Variants in NTF4 observed in about 807,000 individuals in gnomAD.
NTF4 encodes neurotrophin 4.
Under a neutral mutation model 4.4 loss-of-function variants are expected in NTF4, and 2 were observed. The ratio of observed to expected loss-of-function variants is 0.46; its 90% CI spans 0.19 to 1.44. The LOEUF (loss-of-function observed/expected upper bound fraction) is 1.44, where lower values mean the gene tolerates loss of function less well. Among genes scored for constraint, NTF4 ranks in the 40% most tolerant of loss-of-function variants. The probability of loss-of-function intolerance (pLI) is 0.26; values close to 1 mark genes in which losing one functional copy is unlikely to be tolerated. For missense variants in NTF4, 260 were observed against 293.0 expected, an observed-to-expected ratio of 0.89 and a Z score of 0.82; for synonymous variants, 127 against 122.0, an observed-to-expected ratio of 1.04 and a Z score of -0.27.
In NTF4 at chr19:49,061,657, CG is replaced by C. The variant is rs2040144175; in HGVS notation, c.340del (p.Arg114ValfsTer67). ...GCCCAACACCTCCACCTCGCGCCCA[CG>C]CAAGTCCACAGCGGTCCGGCGGTCT... On this transcript the variant is annotated frameshift_variant, in exon 1 of 1. Coordinates refer to ENST00000593537, the Ensembl canonical transcript of NTF4. LOFTEE classifies it low-confidence loss of function (END_TRUNC). This position sits in a 1 kb window ranked among gnomAD's most constrained non-coding sequence, Gnocchi z 4.9. The C allele has an allele frequency of 6.2e-7, 1 of 1,613,542 alleles. No homozygotes were observed. The highest frequency in any genetic ancestry group is 1.1e-5 in the South Asian group (1 of 91,084).
chr19:49,061,719 C>A lies in NTF4; in HGVS notation c.279G>T (p.Glu93Asp). The stretch of plus-strand genomic sequence containing the variant: ...CACTGACTGCATCGCACACAGCCAG[C>A]TCACCCCGACGACTCGCTGGTGCAG... Residue 93 changes from glutamate to aspartate, a missense_variant, in exon 1 of 1, where the codon GAG (glutamate) becomes GAT (aspartate). Glu to Asp is a conservative substitution (Grantham distance 45). Coordinates refer to ENST00000593537, the Ensembl canonical transcript of NTF4. This position sits in a 1 kb window ranked among gnomAD's most constrained non-coding sequence, Gnocchi z 4.9. 1 of 1,613,040 alleles carries A rather than the reference C, an allele frequency of 6.2e-7. No homozygotes were observed. Among genetic ancestry groups the A allele is most frequent in the Non-Finnish European group, 8.5e-7 (1 of 1,179,732 alleles).
chr19:49,062,447 C>T (rs2040164285), upstream of NTF4, among the ~76,000 whole-genome samples: 1 of 152,080 alleles, frequency 6.6e-6, no homozygotes, highest in South Asian at 2.1e-4. Flanking sequence ...GAGAGTGCAC[C>T]ACTCCCCTGC....
chr19:49,060,968 C>T (rs1443087623), downstream of NTF4: 3 of 245,352 alleles, frequency 1.2e-5, no homozygotes, highest in East Asian at 3.2e-4. Flanking sequence ...TCCTCCTCCA[C>T]CCACATCGTG....
At chr19:49,064,347 C>A, upstream of NTF4, 1 of 153,676 alleles carries the variant, frequency 6.5e-6, no homozygotes, top group South Asian at 2.0e-4. Flanking sequence ...CAGGCTGACC[C>A]AACCAGGACC....
chr19:49,061,550 C>T lies in NTF4; in HGVS notation c.448G>A (p.Gly150Ser). The T allele has an allele frequency of 6.2e-7, 1 of 1,614,204 alleles. No homozygotes were observed. Among genetic ancestry groups the T allele is most frequent in the Non-Finnish European group, 8.5e-7 (1 of 1,180,042 alleles). ...CAGCCCCCTCCACCTGCCCCCGGGC[C>T]ACCTTCCTCAGCGTTATCAGCCTTG... The change falls in exon 1 of 1, where the codon GGC (glycine) becomes AGC (serine). Residue 150 changes from glycine to serine, a missense_variant. Coordinates refer to ENST00000593537, the Ensembl canonical transcript of NTF4. The surrounding 1 kb of genome is among the most constrained non-coding windows in gnomAD (Gnocchi z 4.9).
chr19:49,061,061 T>C (rs570964409), downstream of NTF4: 8 of 432,768 alleles, frequency 1.8e-5, no homozygotes, highest in African/African-American at 1.6e-4. This position sits in a 1 kb window ranked among gnomAD's most constrained non-coding sequence, Gnocchi z 4.9. Context: ...CCACCAATGA[T>C]CAAATCCATG....
chr19:49,062,721 T>C (rs952398509), upstream of NTF4, among the ~76,000 whole-genome samples: 13 of 151,938 alleles, frequency 8.6e-5, no homozygotes, highest in African/African-American at 3.1e-4. Flanking sequence ...GAGGTGGAGG[T>C]TGTGGTGGGC....
upstream of NTF4, chr19:49,064,018 G>A: frequency 6.5e-6 from 1 of 153,686 alleles, no homozygotes; most frequent in Non-Finnish European, 1.4e-5. Context: ...CCAGGTGATG[G>A]CTCCTGGCTG....
chr19:49,061,504 T>C lies in NTF4; in HGVS notation c.494A>G (p.His165Arg). 6.2e-7 allele frequency: 1 copy of C among 1,614,132 alleles called. No individual in the cohort carries two copies. The highest frequency in any genetic ancestry group is 1.1e-5 in the South Asian group (1 of 91,086). The stretch of plus-strand genomic sequence containing the variant: ...CTTGGCCTTGCACTCAGATACCCAG[T>C]GCCTCCTGTCCACTCCCCGGCAGCC... The change falls in exon 1 of 1, where the codon CAC (histidine) becomes CGC (arginine). Residue 165 changes from histidine (H) to arginine (R), a missense_variant. Physicochemically the swap from His to Arg is conservative, Grantham distance 29. Transcript: ENST00000593537. This position sits in a 1 kb window ranked among gnomAD's most constrained non-coding sequence, Gnocchi z 4.9.
chr19:49,058,350 G>A (rs2040093438), downstream of NTF4: 1 of 1,403,238 alleles, frequency 7.1e-7, no homozygotes, highest in African/African-American at 1.5e-5. Context: ...CCGTGGACTG[G>A]AGAGAAGGCG....
downstream of NTF4, among the ~76,000 whole-genome samples, chr19:49,059,340 A>T (rs2040104629): frequency 6.6e-6 from 1 of 152,090 alleles, no homozygotes; most frequent in Admixed American, 6.6e-5. Flanking sequence ...AGAGAAAGGG[A>T]TCTAGAGAGA....
upstream of NTF4, among the ~76,000 whole-genome samples, chr19:49,062,606 G>A (rs1270963543): frequency 6.6e-6 from 1 of 151,902 alleles, no homozygotes; most frequent in Non-Finnish European, 1.5e-5. Context: ...TCAACATGGT[G>A]AAACCCCTTC....
chr19:49,063,031 G>C (rs1188797769), upstream of NTF4, among the ~76,000 whole-genome samples: 2 of 151,528 alleles, frequency 1.3e-5, no homozygotes, highest in African/African-American at 2.4e-5. Flanking sequence ...TTTTGAGACA[G>C]AATCTCACTC....
downstream of NTF4, among the ~76,000 whole-genome samples, chr19:49,059,018 G>A (rs1395314135): frequency 6.6e-6 from 1 of 152,122 alleles, no homozygotes; most frequent in African/African-American, 2.4e-5. Flanking sequence ...GAGACCCAGG[G>A]GGTGGGGGAG....
downstream of NTF4, among the ~76,000 whole-genome samples, chr19:49,059,063 G>C (rs1004704480): frequency 6.6e-6 from 1 of 152,092 alleles, no homozygotes; most frequent in African/African-American, 2.4e-5. Context: ...AGACCTGGGG[G>C]TGTCAGAGAT....
chr19:49,061,601 G>T lies in NTF4; in HGVS notation c.397C>A (p.Arg133Ser), dbSNP rs144842220. The T allele has an allele frequency of 6.2e-7, 1 of 1,613,878 alleles. No homozygotes were observed. Among genetic ancestry groups the T allele is most frequent in the African/African-American group, 1.3e-5 (1 of 75,060 alleles). Residue 133 changes from arginine to serine, a missense_variant, in exon 1 of 1, where the codon CGC becomes AGC. Coordinates refer to ENST00000593537, the Ensembl canonical transcript of NTF4. The surrounding 1 kb of genome is among the most constrained non-coding windows in gnomAD (Gnocchi z 4.9). Reference sequence around the variant, plus strand: ...CAGCGGGTTTCAAAGAAGTACTGGCGGAGGGGACTGCCGCCAGCTGCAGGC... The same window carrying T: ...CAGCGGGTTTCAAAGAAGTACTGGCTGAGGGGACTGCCGCCAGCTGCAGGC...
chr19:49,061,478 G>A lies in NTF4; in HGVS notation c.520C>T (p.Gln174Ter). ...GCGGTCAATGCCCGCACATAGGACT[G>A]CTTGGCCTTGCACTCAGATACCCAG... The change falls in exon 1 of 1, where the codon CAG becomes TAG. Residue 174 changes from glutamine to a stop codon, truncating the protein, a stop_gained. Coordinates refer to ENST00000593537, the Ensembl canonical transcript of NTF4. LOFTEE classifies it high-confidence loss of function. This position sits in a 1 kb window ranked among gnomAD's most constrained non-coding sequence, Gnocchi z 4.9. The A allele has an allele frequency of 6.2e-7, 1 of 1,613,980 alleles. No individual in the cohort carries two copies. The highest frequency in any genetic ancestry group is 8.5e-7 in the Non-Finnish European group (1 of 1,179,886).
At chr19:49,059,885 CA>C (rs1325787657), downstream of NTF4, among the ~76,000 whole-genome samples, 1 of 151,354 alleles carries the variant, frequency 6.6e-6, no homozygotes, top group African/African-American at 2.4e-5. Flanking sequence ...CTGTCTCTAC[CA>C]AAAAATACAA....
At chr19:49,064,011 G>C (rs1018981498), upstream of NTF4, 2 of 153,552 alleles carry the variant, frequency 1.3e-5, no homozygotes, top group Non-Finnish European at 2.9e-5. Context: ...TTTCTACCCA[G>C]GTGATGGCTC....
Sources: gnomAD v4.1 joint callset for allele counts (sites outside exome capture counted in the v4.1 genomes callset) on GRCh38, gnomAD v4.1.1 for gene constraint, Gnocchi (gnomAD v3.1) non-coding constraint, MANE v1.5 for transcripts, NCBI Gene and HGNC (gene_info 2026-07-23, HGNC 2026-07-21) for gene names.